Variants in ADGRL2 observed in about 807,000 individuals in gnomAD.
ADGRL2 encodes the protein calcium-independent alpha-latrotoxin receptor 2.
A neutral mutation model predicts 157.4 loss-of-function variants in ADGRL2; 44 were observed. The ratio of observed to expected loss-of-function variants is 0.28; its 90% CI spans 0.22 to 0.36. ADGRL2 has a LOEUF of 0.36. Among genes scored for constraint, ADGRL2 ranks in the 10% least tolerant of loss-of-function variants. The pLI, the probability that ADGRL2 is intolerant of heterozygous loss-of-function variation, is 1.00. For missense variants in ADGRL2, 1,510 were observed against 1,768.9 expected (o/e 0.85, Z 2.63); for synonymous variants, 585 against 624.7 (o/e 0.94, Z 0.95).
At chr1:81,470,138 G>A (rs2078141124) in intron 2 of ADGRL2, among the ~76,000 whole-genome samples, 2 of 152,136 alleles carry the variant, frequency 1.3e-5, no homozygotes, top group South Asian at 4.1e-4. Context: ...GCACACATCT[G>A]GTACTGCATC....
At chr1:81,962,584 T>TAC (rs1456084416) in intron 11 of ADGRL2, among the ~76,000 whole-genome samples, 2 of 152,200 alleles carry the variant, frequency 1.3e-5, no homozygotes, top group Non-Finnish European at 2.9e-5. Flanking sequence ...AAATTTTCTC[T>TAC]ACATTGAGTT....
At chr1:81,542,236 A>G (rs2079903074) in intron 2 of ADGRL2, among the ~76,000 whole-genome samples, 1 of 152,184 alleles carries the variant, frequency 6.6e-6, no homozygotes, top group African/African-American at 2.4e-5. Flanking sequence ...GGTAACGTGT[A>G]TATCTCTCCA....
At chr1:81,627,473 T>C (rs562398822) in intron 3 of ADGRL2, among the ~76,000 whole-genome samples, 1 of 152,304 alleles carries the variant, frequency 6.6e-6, no homozygotes, top group African/African-American at 2.4e-5. Flanking sequence ...ATAATAGCTA[T>C]CATTTACTGA....
In ADGRL2 at chr1:81,968,135, G is replaced by GAACAAC. The variant is rs776797120; in HGVS notation, c.2460_2465dup (p.Thr821_Thr822dup). 2.5e-6 allele frequency: 4 copies of GAACAAC among 1,612,380 alleles called. No individual in the cohort carries two copies. Among genetic ancestry groups the GAACAAC allele is most frequent in the Non-Finnish European group, 3.4e-6 (4 of 1,179,592 alleles). ...AAGCTGGTTGACACTAATAAAACTCGAACAACGTGTGCATGCAGCCACCTA... is the reference window on the plus strand; with the variant it reads ...AAGCTGGTTGACACTAATAAAACTCGAACAACAACAACGTGTGCATGCAGCCACCTA... On this transcript the variant is annotated inframe_insertion, in exon 14 of 24. Coordinates refer to ENST00000686636, the MANE Select transcript of ADGRL2 (RefSeq NM_001366006.2).
intron 18 of ADGRL2, 74 bp downstream of exon 18, chr1:81,980,034 T>C (rs1477759460): frequency 2.5e-6 from 2 of 809,626 alleles, no homozygotes; most frequent in Non-Finnish European, 4.1e-6. Context: ...AACACAGGGA[T>C]TTCTACCTTC....
intron 3 of ADGRL2, among the ~76,000 whole-genome samples, chr1:81,678,568 A>C (rs539491095): frequency 1.8e-4 from 27 of 152,316 alleles, no homozygotes; most frequent in African/African-American, 6.5e-4. Flanking sequence ...TTATTCCTGG[A>C]AAATACACAT....
chr1:81,524,064 A>C (rs1446447095), intron 2 of ADGRL2, among the ~76,000 whole-genome samples: 1 of 151,390 alleles, frequency 6.6e-6, no homozygotes, highest in Non-Finnish European at 1.5e-5. Flanking sequence ...ATTTCATCTC[A>C]AAAATAAAAA....
intron 1 of ADGRL2, among the ~76,000 whole-genome samples, chr1:81,374,341 G>A (rs1389122079): frequency 6.6e-6 from 1 of 152,130 alleles, no homozygotes; most frequent in Non-Finnish European, 1.5e-5. Context: ...GGAGGCCGAG[G>A]CGGGTGGATC....
chr1:81,926,716 T>C (rs1276105046), intron 3 of ADGRL2, among the ~76,000 whole-genome samples: 4 of 152,076 alleles, frequency 2.6e-5, no homozygotes, highest in Admixed American at 6.6e-5. Flanking sequence ...TTTCATTAAG[T>C]AGTTAGACCT....
At chr1:81,629,259 A>G (rs755739443) in intron 3 of ADGRL2, among the ~76,000 whole-genome samples, 3 of 152,208 alleles carry the variant, frequency 2.0e-5, no homozygotes, top group Non-Finnish European at 4.4e-5. Flanking sequence ...AGATGATAAT[A>G]CCATGCATAT....
chr1:81,481,131 C>T (rs998011773), intron 2 of ADGRL2, among the ~76,000 whole-genome samples: 1 of 152,094 alleles, frequency 6.6e-6, no homozygotes, highest in South Asian at 2.1e-4. Context: ...TGTCTAGTAA[C>T]AATCCTTTTA....
chr1:81,633,595 C>CA (rs369967142), intron 3 of ADGRL2, among the ~76,000 whole-genome samples: 5,656 of 49,998 alleles, frequency 0.11, 525 homozygotes, highest in African/African-American at 0.18. Flanking sequence ...GACTCTGTCT[C>CA]AAAAAAAAAA....
chr1:81,944,113 C>T (rs1648983586), intron 6 of ADGRL2, among the ~76,000 whole-genome samples: 2 of 151,952 alleles, frequency 1.3e-5, no homozygotes, highest in Non-Finnish European at 2.9e-5. Context: ...GACCTTTTAA[C>T]TTCTTGGCGC....
Position 81,966,166 on chromosome 1 carries a change from A to T in ADGRL2, c.2126A>T (p.Lys709Ile). The T allele has an allele frequency of 6.2e-7, 1 of 1,614,138 alleles. No homozygotes were observed. The highest frequency in any genetic ancestry group is 8.5e-7 in the Non-Finnish European group (1 of 1,179,988). The change falls in exon 12 of 24, where the codon AAA (lysine) becomes ATA (isoleucine). Residue 709 changes from lysine (K) to isoleucine (I), a missense_variant. Transcript: ENST00000686636. Reference sequence around the variant, plus strand: ...ATCCAACTGTCCGCAAATACCGTCAAACAGAACAGCAGGAATGGTAAGGTG... The same window carrying T: ...ATCCAACTGTCCGCAAATACCGTCATACAGAACAGCAGGAATGGTAAGGTG... ...SSIQLSANTV[K>I]QNSRNGLAKL... is the part of the protein sequence containing the mutation.
chr1:81,399,058 G>A (rs558509032), intron 1 of ADGRL2, among the ~76,000 whole-genome samples: 15 of 152,288 alleles, frequency 9.8e-5, no homozygotes, highest in African/African-American at 3.4e-4. Context: ...GCATGACTGG[G>A]AGGCCTCAGG....
intron 2 of ADGRL2, among the ~76,000 whole-genome samples, chr1:81,460,649 C>T (rs779744619): frequency 2.6e-5 from 4 of 152,094 alleles, no homozygotes; most frequent in Non-Finnish European, 4.4e-5. Flanking sequence ...TTACTGTTTC[C>T]CCATTGACTG....
intron 2 of ADGRL2, among the ~76,000 whole-genome samples, chr1:81,568,354 G>A (rs935904076): frequency 6.6e-6 from 1 of 152,080 alleles, no homozygotes; most frequent in Admixed American, 6.6e-5. Context: ...ACTCTGAGCT[G>A]AATCAACCAG....
intron 1 of ADGRL2, among the ~76,000 whole-genome samples, chr1:81,382,182 G>A (rs527603777): frequency 1.9e-4 from 29 of 152,130 alleles, no homozygotes; most frequent in Non-Finnish European, 3.7e-4. Context: ...AGGGGAGTTA[G>A]TCTGTTGTTC....
At chr1:81,773,228 T>C (rs934216465) in intron 2 of ADGRL2, among the ~76,000 whole-genome samples, 4 of 152,240 alleles carry the variant, frequency 2.6e-5, no homozygotes, top group African/African-American at 9.6e-5. Flanking sequence ...TAGGGATCCA[T>C]GAACCAGTAA....
Sources: gnomAD v4.1 joint callset for allele counts (sites outside exome capture counted in the v4.1 genomes callset) on GRCh38, gnomAD v4.1.1 for gene constraint, MANE v1.5 for transcripts, NCBI Gene and HGNC (gene_info 2026-07-23, HGNC 2026-07-21) for gene names.